DST: variants seen among roughly 807,000 people sequenced by gnomAD.
DST encodes the protein bullous pemphigoid antigen.
Under a neutral mutation model 875.2 loss-of-function variants are expected in DST, and 253 were observed. That is an observed-to-expected ratio of 0.29 (90% CI 0.26 to 0.32). The LOEUF (loss-of-function observed/expected upper bound fraction) is 0.32. Ranked by LOEUF, DST falls within the 10% of genes least tolerant of loss-of-function variation. The pLI, the probability that DST is intolerant of heterozygous loss-of-function variation, is 1.00. For synonymous variants in DST, 3,124 were observed against 3,197.1 expected, an observed-to-expected ratio of 0.98 and a Z score of 0.77; for missense variants, 8,287 against 9,111.6, an observed-to-expected ratio of 0.91 and a Z score of 3.68.
intron 37 of DST, among the ~76,000 whole-genome samples, chr6:56,613,614 C>T (rs2098573157): frequency 6.6e-6 from 1 of 152,198 alleles, no homozygotes; most frequent in South Asian, 2.1e-4. Flanking sequence ...CTTATCTTAG[C>T]GGAAATTTAT....
In DST at chr6:56,607,036, G is replaced by T; in HGVS notation, c.7592C>A (p.Ser2531Tyr). Residue 2531 changes from serine to tyrosine, a missense_variant, in exon 40 of 104, where the codon TCT becomes TAT. This residue lies in a region of DST where 3,138 missense variants were observed against 3,116.6 expected (regional missense o/e 1.01). Transcript: ENST00000680361. ...TGGATGTGTTTTTTCATCCTCACCA[G>T]AAGTATTTGAAATGTATTTATCATT... ...YHNDKYISNTSGEDEKTHPGF... is the reference protein window; with the variant it reads ...YHNDKYISNTYGEDEKTHPGF... 6.2e-7 allele frequency: 1 copy of T among 1,613,324 alleles called. No homozygotes were observed. Among genetic ancestry groups the T allele is most frequent in the South Asian group, 1.1e-5 (1 of 91,068 alleles).
intron 4 of DST, among the ~76,000 whole-genome samples, chr6:56,820,623 G>A (rs2099772022): frequency 6.6e-6 from 1 of 151,854 alleles, no homozygotes; most frequent in Non-Finnish European, 1.5e-5. Flanking sequence ...ACATCAACTT[G>A]GTCACCCGAA....
chr6:56,742,743 T>C (rs977400615), intron 4 of DST, among the ~76,000 whole-genome samples: 1 of 152,028 alleles, frequency 6.6e-6, no homozygotes, highest in Non-Finnish European at 1.5e-5. Flanking sequence ...GCAATAAAAA[T>C]AAAAAAAATC....
chr6:56,563,996 A>C (rs2152570704), intron 55 of DST, among the ~76,000 whole-genome samples: 1 of 152,222 alleles, frequency 6.6e-6, no homozygotes, highest in South Asian at 2.1e-4. Context: ...GTATAGTTTG[A>C]AGTCAGGTAG....
At chr6:56,573,584 G>T in intron 51 of DST, 95 bp downstream of exon 51, 3 of 890,696 alleles carry the variant, frequency 3.4e-6, no homozygotes, top group Admixed American at 2.4e-5. Context: ...TCTTTTTTGT[G>T]TCCTTAAGTT....
chr6:56,575,260 T>A (rs576135956), intron 50 of DST, among the ~76,000 whole-genome samples: 2 of 152,196 alleles, frequency 1.3e-5, no homozygotes, highest in Non-Finnish European at 2.9e-5. Context: ...TTGGAGACTA[T>A]GCTCATTACT....
chr6:56,671,423 T>A (rs1267586121), intron 9 of DST, among the ~76,000 whole-genome samples: 1 of 152,202 alleles, frequency 6.6e-6, no homozygotes, highest in Non-Finnish European at 1.5e-5. Context: ...TATATAACAA[T>A]TTGGCCAGAA....
Position 56,527,838 on chromosome 6 carries a change from G to A in DST, c.17681-104C>T, listed in dbSNP as rs1303879690. The A allele has an allele frequency of 4.2e-6, 5 of 1,191,720 alleles. No individual in the cohort carries two copies. In the African/African-American group the frequency reaches 7.7e-5, roughly 18 times the overall value. 73.8% of individuals were successfully genotyped at this position (1,191,720 alleles called of 1,614,324 possible). A position where few individuals can be genotyped will look rare whatever the true frequency, so the allele number is the denominator to read the frequency against. On this transcript the variant is annotated intron_variant, in intron 67 of 103. Coordinates refer to ENST00000680361, the MANE Select transcript of DST (RefSeq NM_001374736.1). ...CTGATGAAATTTCCACAGAACAAAA[G>A]GAGACATTTTTCTAAAGATAATCTT...
At chr6:56,924,624 T>C (rs554520246) in intron 2 of DST, among the ~76,000 whole-genome samples, 1 of 152,264 alleles carries the variant, frequency 6.6e-6, no homozygotes, top group South Asian at 2.1e-4. Flanking sequence ...AATATTCTCT[T>C]ATGGTGAAGG....
chr6:56,605,037 G>A lies in DST; in HGVS notation c.9591C>T (p.Ala3197=). ...GGCTTGGGACATCTTCATTTGGTTTGGCTACATCTTTTGCTTTTATATTTT... is the reference window on the plus strand; with the variant it reads ...GGCTTGGGACATCTTCATTTGGTTTAGCTACATCTTTTGCTTTTATATTTT... ...CAKNIKAKDV[A]KPNEDVPSHV... is the part of the protein sequence containing the mutation. Residue 3197 remains alanine, a synonymous_variant, in exon 40 of 104, where the codon GCC becomes GCT. Coordinates refer to ENST00000680361, the MANE Select transcript of DST (RefSeq NM_001374736.1). 1 of 1,612,714 alleles carries A rather than the reference G, an allele frequency of 6.2e-7. No individual in the cohort carries two copies. Among genetic ancestry groups the A allele is most frequent in the Non-Finnish European group, 8.5e-7 (1 of 1,179,264 alleles).
intron 4 of DST, among the ~76,000 whole-genome samples, chr6:56,845,752 A>G (rs1298385496): frequency 6.6e-6 from 1 of 152,244 alleles, no homozygotes; most frequent in Non-Finnish European, 1.5e-5. Context: ...AGCCTTCATC[A>G]GAGACTGACA....
chr6:56,682,289 CG>C, intron 9 of DST, among the ~76,000 whole-genome samples: 1 of 152,264 alleles, frequency 6.6e-6, no homozygotes, highest in South Asian at 2.1e-4. Context: ...CCTCCCACCT[CG>C]GCCTCCCAGA....
In DST at chr6:56,697,155, C is replaced by T. The variant is rs543994479; in HGVS notation, c.1047+2498G>A. On this transcript the variant is annotated intron_variant, in intron 9 of 103. Coordinates refer to ENST00000680361, the MANE Select transcript of DST (RefSeq NM_001374736.1). The stretch of plus-strand genomic sequence containing the variant: ...TGTGTCTCTCAGTAGTCTACTGTTT[C>T]GTAATCTCTCAGGCTAAAAAGTTTT... Among the ~76,000 whole-genome samples the T allele has an allele frequency of 4.5e-4, 69 of 152,218 alleles. 1 individual carries two copies. Among genetic ancestry groups the T allele is most frequent in the Admixed American group, 8.5e-4 (13 of 15,288 alleles).
At position 56,601,648 on chromosome 6, in the gene DST, T is replaced by C; in HGVS notation, c.11336A>G (p.Lys3779Arg). 1.3e-6 allele frequency: 2 copies of C among 1,589,168 alleles called. No individual in the cohort carries two copies. The highest frequency in any genetic ancestry group is 1.3e-5 in the African/African-American group (1 of 74,656). ...KNVLKDLGHT[K>R]MQLETTAFDV... ...AAAGGCAGTAGTCTCCAGCTGCATT[T>C]TGGTATGTCCAAGGTCTTTTAATAC... The change falls in exon 44 of 104, where the codon AAA becomes AGA. Residue 3779 changes from lysine (K) to arginine (R), a missense_variant. Physicochemically the swap from Lys to Arg is conservative, Grantham distance 26. Transcript: ENST00000680361.
At chr6:56,871,606 A>G (rs1230838599) in intron 3 of DST, 7 of 780,704 alleles carry the variant, frequency 9.0e-6, no homozygotes, top group Admixed American at 1.7e-5. Flanking sequence ...ATTAACCCAT[A>G]CATGAGCTCT....
chr6:56,933,953 G>C (rs1004688607), intron 2 of DST, among the ~76,000 whole-genome samples: 2 of 152,106 alleles, frequency 1.3e-5, no homozygotes, highest in Non-Finnish European at 2.9e-5. Context: ...TTTTGTAAGA[G>C]CCAATTCCTA....
chr6:56,547,582 T>C (rs2152545284), intron 61 of DST, among the ~76,000 whole-genome samples: 1 of 152,334 alleles, frequency 6.6e-6, no homozygotes, highest in South Asian at 2.1e-4. Context: ...CTTAATAAAA[T>C]GGAAAATAAT....
chr6:56,588,537 G>A (rs1247453602), intron 49 of DST, among the ~76,000 whole-genome samples: 1 of 152,146 alleles, frequency 6.6e-6, no homozygotes, highest in Admixed American at 6.6e-5. Flanking sequence ...GAACTAGGAA[G>A]TCATCCCTTT....
intron 27 of DST, among the ~76,000 whole-genome samples, chr6:56,633,530 C>T (rs933514258): frequency 4.1e-5 from 6 of 145,622 alleles, no homozygotes; most frequent in Admixed American, 6.9e-5. Flanking sequence ...CCGGCCGAGA[C>T]GGAGTTTCAC....
Sources: allele counts gnomAD v4.1 joint callset (sites outside exome capture counted in the v4.1 genomes callset), GRCh38; gene constraint gnomAD v4.1.1; regional missense constraint gnomAD v4.1.1; transcripts MANE v1.5; gene names NCBI Gene and HGNC (gene_info 2026-07-23, HGNC 2026-07-21).